TLL2: variants seen among roughly 807,000 people sequenced by gnomAD.
TLL2 encodes the protein tolloid-like protein 2.
TLL2 carries 106 observed loss-of-function variants against 123.0 expected under a neutral mutation model. The ratio of observed to expected loss-of-function variants is 0.86; its 90% confidence interval spans 0.74 to 1.01. The LOEUF is 1.01. TLL2 is among the 50% of genes least tolerant of loss of function. TLL2 has a pLI of 0.00. For missense variants in TLL2, 1,332 were observed against 1,336.7 expected (o/e 1.00, Z 0.06); for synonymous variants, 494 against 516.8 (o/e 0.96, Z 0.60).
At chr10:96,408,339 G>A (rs1589414845) in intron 9 of TLL2, among the ~76,000 whole-genome samples, 2 of 152,302 alleles carry the variant, frequency 1.3e-5, no homozygotes, top group East Asian at 1.9e-4. Flanking sequence ...GGTGATACTC[G>A]AATCAATCAA....
intron 1 of TLL2, among the ~76,000 whole-genome samples, chr10:96,491,003 G>A (rs781300136): frequency 1.6e-4 from 25 of 152,272 alleles, no homozygotes; most frequent in African/African-American, 5.1e-4. Context: ...CTCTGTGTTC[G>A]ACATGGCTGT....
intron 2 of TLL2, among the ~76,000 whole-genome samples, chr10:96,476,240 A>ATATATAT: frequency 1.5e-4 from 3 of 20,500 alleles, no homozygotes; most frequent in Non-Finnish European, 3.0e-4. Context: ...ATATATATAT[A>ATATATAT]TTTTATTTTT....
intron 3 of TLL2, among the ~76,000 whole-genome samples, chr10:96,435,600 A>C (rs1846788828): frequency 1.3e-5 from 2 of 152,324 alleles, no homozygotes; most frequent in South Asian, 4.1e-4. Context: ...TAGCTCTTAT[A>C]TCTAGGTCTT....
chr10:96,509,997 G>T (rs1847612656), intron 1 of TLL2, among the ~76,000 whole-genome samples: 1 of 152,282 alleles, frequency 6.6e-6, no homozygotes, highest in East Asian at 1.9e-4. Flanking sequence ...CTGGCCTTTT[G>T]TCTACCCTGC....
chr10:96,416,498 G>A (rs1169602380), intron 7 of TLL2, among the ~76,000 whole-genome samples: 3 of 152,210 alleles, frequency 2.0e-5, no homozygotes, highest in African/African-American at 7.2e-5. Flanking sequence ...CAGAGCTTAA[G>A]TGACTTTCCC....
At chr10:96,403,775 T>C (rs67112439) in intron 10 of TLL2, among the ~76,000 whole-genome samples, 2 of 61,022 alleles carry the variant, frequency 3.3e-5, no homozygotes, top group Admixed American at 2.5e-4. Context: ...TGCCTGCCCC[T>C]GGGAACTGAA....
intron 15 of TLL2, 29 bp from the exon 16 acceptor site, chr10:96,384,796 C>T: frequency 5.8e-6 from 9 of 1,547,138 alleles, no homozygotes; most frequent in Non-Finnish European, 7.9e-6. Flanking sequence ...GGGAGCTTCC[C>T]AGAGTCCCTG....
In TLL2 at chr10:96,365,255, A is replaced by G. The variant is rs1846012964; in HGVS notation, c.*2833T>C. On this transcript the variant is annotated 3_prime_UTR_variant, in exon 21 of 21. Transcript: ENST00000357947. ...AAAGTAGAAATAAAAAGGAAACTTC[A>G]CCTTACAGGTAAATACCTCTAAATA... 6.6e-6 allele frequency: 1 copy of G among 152,228 alleles called. No individual in the cohort carries two copies. Among genetic ancestry groups the G allele is most frequent in the African/African-American group, 2.4e-5 (1 of 41,466 alleles). The allele number at this position is 152,228 out of a possible 1,614,324, so 9.4% of individuals were successfully genotyped here. A position where few individuals can be genotyped will look rare whatever the true frequency, so the allele number is the denominator to read the frequency against.
At position 96,391,539 on chromosome 10, in the gene TLL2, C is replaced by T. The variant is rs141244537; in HGVS notation, c.1726+3648G>A. On this transcript the variant is annotated intron_variant, in intron 13 of 20. Transcript: ENST00000357947. ...TCAGGTCTCCTTAGTGGAAACAGAG[C>T]GGATTGTGGAATCCTACAGATCCAG... is the stretch of plus-strand genomic sequence containing the variant. 3.8e-3 allele frequency among the ~76,000 whole-genome samples: 573 copies of T among 152,280 alleles called. 4 individuals are homozygous for T. Among genetic ancestry groups the T allele is most frequent in the African/African-American group, 0.013 (545 of 41,554 alleles).
chr10:96,396,225 GA>G (rs1034162288), intron 11 of TLL2, among the ~76,000 whole-genome samples: 2 of 152,122 alleles, frequency 1.3e-5, no homozygotes. Flanking sequence ...TTCATATAAA[GA>G]AAAAACCACA....
Position 96,370,172 on chromosome 10 carries a change from G to A in TLL2, c.2806C>T (p.Arg936Trp), listed in dbSNP as rs752585679. Residue 936 changes from arginine to tryptophan, a missense_variant, in exon 20 of 21, where the codon CGG (arginine) becomes TGG (tryptophan). Arg to Trp is a moderately radical substitution (Grantham distance 101, BLOSUM62 -3). Transcript: ENST00000357947. Reference protein sequence around the residue: ...EDGYGVELTFRTFEVEEEADC... With the variant: ...EDGYGVELTFWTFEVEEEADC... ...GCCTCCTCCTCAACCTCAAAGGTCC[G>A]GAATGTCAGCTCCACGCCGTAGCCG... 10 of 1,613,998 alleles carry A rather than the reference G, an allele frequency of 6.2e-6. No homozygotes were observed. Among genetic ancestry groups the A allele is most frequent in the Non-Finnish European group, 8.5e-7 (1 of 1,180,002 alleles).
At chr10:96,484,042 C>T (rs1391743720) in intron 1 of TLL2, among the ~76,000 whole-genome samples, 1 of 152,198 alleles carries the variant, frequency 6.6e-6, no homozygotes, top group Non-Finnish European at 1.5e-5. Context: ...TGGGGTTTCA[C>T]CATGTTGGCC....
intron 2 of TLL2, among the ~76,000 whole-genome samples, chr10:96,458,955 A>G (rs1384161618): frequency 6.6e-6 from 1 of 152,200 alleles, no homozygotes; most frequent in Non-Finnish European, 1.5e-5. Context: ...AAACAAAGAA[A>G]AAACAAGGAA....
In TLL2 at chr10:96,513,665, A is replaced by C; in HGVS notation, c.21T>G (p.Leu7=). Residue 7 remains leucine (L), a synonymous_variant, in exon 1 of 21, where the codon CTT becomes CTG. Transcript: ENST00000357947. The part of the protein sequence containing the change: MPRATA[L]GALVSLLLLL... ...GCAGCAGCAGTGACACCAGGGCCCC[A>C]AGTGCAGTCGCCCGGGGCATGGTGG... 2 of 1,567,846 alleles carry C rather than the reference A, an allele frequency of 1.3e-6. No homozygotes were observed. Among genetic ancestry groups the C allele is most frequent in the Non-Finnish European group, 1.7e-6 (2 of 1,163,268 alleles).
chr10:96,397,166 T>C lies in TLL2; in HGVS notation c.1384+20A>G. The stretch of plus-strand genomic sequence containing the variant: ...AGCTTATGAGGGGCCACCGAGCAGC[T>C]GCTTTCACCTCGCACAAACCTTCGT... On this transcript the variant is annotated intron_variant, in intron 11 of 20. Coordinates refer to ENST00000357947, the MANE Select transcript of TLL2 (RefSeq NM_012465.4). 1 of 1,601,908 alleles carries C rather than the reference T, an allele frequency of 6.2e-7. No homozygotes were observed. The highest frequency in any genetic ancestry group is 8.5e-7 in the Non-Finnish European group (1 of 1,172,030).
At chr10:96,497,663 T>C (rs1589437057) in intron 1 of TLL2, among the ~76,000 whole-genome samples, 1 of 152,136 alleles carries the variant, frequency 6.6e-6, no homozygotes, top group African/African-American at 2.4e-5. Context: ...CCCCTGCCCC[T>C]CACCACAGGG....
At chr10:96,474,712 G>A (rs951500566) in intron 2 of TLL2, among the ~76,000 whole-genome samples, 2 of 152,174 alleles carry the variant, frequency 1.3e-5, no homozygotes, top group Non-Finnish European at 2.9e-5. Context: ...AGCAGTATTC[G>A]TTTCCTAGGA....
intron 1 of TLL2, among the ~76,000 whole-genome samples, chr10:96,508,901 G>T (rs1847600434): frequency 6.6e-6 from 1 of 152,050 alleles, no homozygotes; most frequent in African/African-American, 2.4e-5. Context: ...GGAGAGGTGG[G>T]TCTGTGCTCT....
At chr10:96,406,381 A>C (rs1016609192) in intron 9 of TLL2, among the ~76,000 whole-genome samples, 2 of 151,932 alleles carry the variant, frequency 1.3e-5, no homozygotes, top group Non-Finnish European at 2.9e-5. Flanking sequence ...CACCTGCTCC[A>C]TCACGTCTCC....
Sources: gnomAD v4.1 joint callset for allele counts (sites outside exome capture counted in the v4.1 genomes callset) on GRCh38, gnomAD v4.1.1 for gene constraint, MANE v1.5 for transcripts, NCBI Gene and HGNC (gene_info 2026-07-23, HGNC 2026-07-21) for gene names.